RGS6: variants seen among roughly 807,000 people sequenced by gnomAD.
The protein encoded by RGS6 is regulator of G-protein signaling 6.
RGS6 carries 30 observed loss-of-function variants against 78.5 expected under a neutral mutation model. The ratio of observed to expected loss-of-function variants is 0.38; its 90% CI spans 0.29 to 0.52. The LOEUF is 0.52. Ranked by LOEUF, RGS6 falls within the 20% of genes least tolerant of loss-of-function variation. RGS6 has a pLI of 0.85. For synonymous variants in RGS6, 206 were observed against 206.0 expected, an observed-to-expected ratio of 1.00 and a Z score of 0.00; for missense variants, 495 against 609.7, an observed-to-expected ratio of 0.81 and a Z score of 1.98.
At chr14:71,970,909 G>C (rs1386856317) in intron 2 of RGS6, among the ~76,000 whole-genome samples, 2 of 152,138 alleles carry the variant, frequency 1.3e-5, no homozygotes, top group Non-Finnish European at 2.9e-5. Context: ...CACCTGCTTC[G>C]ATTCTTGAAA....
chr14:72,544,884 T>G (rs1367262900), intron 17 of RGS6, among the ~76,000 whole-genome samples: 2 of 152,184 alleles, frequency 1.3e-5, no homozygotes, highest in Admixed American at 1.3e-4. Context: ...GCCCAGGTGC[T>G]GACCGGAAGT....
intron 13 of RGS6, among the ~76,000 whole-genome samples, chr14:72,508,562 C>CTTTTTTTTTTTTT (rs61097187): frequency 7.1e-5 from 4 of 56,460 alleles, no homozygotes; most frequent in South Asian, 9.9e-4. Context: ...ACACAAGCTC[C>CTTTTTTTTTTTTT]TTTTTTTTTT....
intron 13 of RGS6, among the ~76,000 whole-genome samples, chr14:72,504,821 T>A (rs2096776269): frequency 6.6e-6 from 1 of 151,146 alleles, no homozygotes; most frequent in South Asian, 2.1e-4. Flanking sequence ...TGTCGGGATC[T>A]CAGCTCACTG....
At position 72,549,728 on chromosome 14, in the gene RGS6, G is replaced by A. The variant is rs530760534; in HGVS notation, c.1422+9634G>A. ...AATACAAAAATGAGCCAGGTGTGGTGGCACATGCCTATAATCCCAGCTACT... is the reference window on the plus strand; with the variant it reads ...AATACAAAAATGAGCCAGGTGTGGTAGCACATGCCTATAATCCCAGCTACT... On this transcript the variant is annotated intron_variant, in intron 17 of 17. Transcript: ENST00000553525. 6.6e-4 allele frequency among the ~76,000 whole-genome samples: 101 copies of A among 152,274 alleles called. 3 individuals are homozygous for A. The highest frequency in any genetic ancestry group is 1.0e-4 in the Non-Finnish European group (7 of 68,012).
chr14:72,287,361 G>A (rs934952164), intron 2 of RGS6, among the ~76,000 whole-genome samples: 3 of 152,224 alleles, frequency 2.0e-5, no homozygotes, highest in African/African-American at 7.2e-5. Context: ...AGTGGTGACA[G>A]TGGGCATCAT....
At chr14:72,358,059 G>T (rs2681763) in intron 3 of RGS6, among the ~76,000 whole-genome samples, 61,590 of 152,102 alleles carry the variant, frequency 0.4, 15,269 homozygotes, top group African/African-American at 0.7. Context: ...GCTTCAGAGG[G>T]TGCAAGCCTC....
At chr14:72,098,201 A>T (rs72719825) in intron 2 of RGS6, among the ~76,000 whole-genome samples, 8,247 of 151,864 alleles carry the variant, frequency 0.054, 280 homozygotes, top group Middle Eastern at 0.092. Context: ...CTGGTTTGGG[A>T]CCCCTGTCCT....
At chr14:72,533,632 G>T (rs1435921741) in intron 15 of RGS6, among the ~76,000 whole-genome samples, 1 of 152,228 alleles carries the variant, frequency 6.6e-6, no homozygotes, top group African/African-American at 2.4e-5. Context: ...TTCGTGGAAA[G>T]AAGTAAAAAT....
At chr14:71,971,674 A>T (rs753069078) in intron 2 of RGS6, among the ~76,000 whole-genome samples, 1 of 152,210 alleles carries the variant, frequency 6.6e-6, no homozygotes, top group Non-Finnish European at 1.5e-5. Flanking sequence ...TCTCCAGCAC[A>T]GTGTCTTTTT....
chr14:72,465,091 C>T (rs772559408), intron 6 of RGS6, among the ~76,000 whole-genome samples: 1 of 152,118 alleles, frequency 6.6e-6, no homozygotes, highest in Non-Finnish European at 1.5e-5. Context: ...AGACTTTCCT[C>T]AAAAAGGACA....
chr14:72,369,647 A>C (rs2083082071), intron 3 of RGS6, among the ~76,000 whole-genome samples: 2 of 152,222 alleles, frequency 1.3e-5, no homozygotes, highest in Non-Finnish European at 2.9e-5. Flanking sequence ...TATAGATTAT[A>C]ATATTAATTT....
At chr14:72,605,130 G>A in the RGS6 span, among the ~76,000 whole-genome samples, 9 of 152,224 alleles carry the variant, frequency 5.9e-5, no homozygotes, top group Admixed American at 2.0e-4. Context: ...CTGAGTTGGA[G>A]TGAGCAAGGA....
chr14:72,138,397 T>A (rs1346586037), intron 2 of RGS6, among the ~76,000 whole-genome samples: 1 of 151,778 alleles, frequency 6.6e-6, no homozygotes, highest in Non-Finnish European at 1.5e-5. Context: ...AGAATTATAT[T>A]TGCATCCTTC....
At chr14:72,570,531 C>T (rs1170965051), downstream of RGS6, among the ~76,000 whole-genome samples, 2 of 152,184 alleles carry the variant, frequency 1.3e-5, no homozygotes, top group Admixed American at 6.5e-5. Flanking sequence ...CAGAGTGAGG[C>T]GTTATCTATT....
chr14:72,068,466 T>G (rs573096209), intron 2 of RGS6, among the ~76,000 whole-genome samples: 3 of 149,830 alleles, frequency 2.0e-5, no homozygotes, highest in African/African-American at 7.3e-5. Flanking sequence ...TTTTATTCAA[T>G]ATTTCCTCCG....
At chr14:72,572,026 C>T in the RGS6 span, among the ~76,000 whole-genome samples, 1 of 152,142 alleles carries the variant, frequency 6.6e-6, no homozygotes. Flanking sequence ...AAGGAAGCTA[C>T]ACAAATAACC....
intron 3 of RGS6, among the ~76,000 whole-genome samples, chr14:72,427,158 C>T (rs1007413869): frequency 6.6e-6 from 1 of 152,106 alleles, no homozygotes; most frequent in South Asian, 2.1e-4. Context: ...CATGGTCAAC[C>T]GTGGCCCAAA....
chr14:72,520,132 A>T (rs982550826), intron 15 of RGS6, among the ~76,000 whole-genome samples: 1 of 152,102 alleles, frequency 6.6e-6, no homozygotes, highest in Admixed American at 6.5e-5. Context: ...GCATCATTTC[A>T]TCTGTAAACT....
Position 72,540,957 on chromosome 14 carries a change from C to T in RGS6, c.1422+863C>T, listed in dbSNP as rs901737826. The T allele has an allele frequency of 2.4e-6, 3 of 1,237,508 alleles. No homozygotes were observed. The African/African-American group carries it at 4.6e-5, about 19-fold the overall frequency. 76.7% of individuals were successfully genotyped at this position (1,237,508 alleles called of 1,614,324 possible). A position where few individuals can be genotyped will look rare whatever the true frequency, so the allele number is the denominator to read the frequency against. On this transcript the variant is annotated intron_variant, in intron 17 of 17. Transcript: ENST00000553525. ...GGGGTGCATGGCTGAGACTCTCTAC[C>T]ATGGTTTGTAGAACAACACAGGCCA...
Sources: allele counts gnomAD v4.1 joint callset (sites outside exome capture counted in the v4.1 genomes callset), GRCh38; gene constraint gnomAD v4.1.1; transcripts MANE v1.5; gene names NCBI Gene and HGNC (gene_info 2026-07-23, HGNC 2026-07-21).